Variants in RBM19 observed in about 807,000 individuals in gnomAD.
RBM19 encodes the protein RNA binding motif protein 19.
Under a neutral mutation model 116.8 loss-of-function variants are expected in RBM19, and 94 were observed. That is an observed-to-expected ratio of 0.80 (90% CI 0.68 to 0.95). RBM19 has a LOEUF of 0.95. RBM19 is among the 40% of genes least tolerant of loss of function. The probability of loss-of-function intolerance (pLI) is 0.00; values close to 1 mark genes in which losing one functional copy is unlikely to be tolerated. For synonymous variants in RBM19, 475 were observed against 494.1 expected, an observed-to-expected ratio of 0.96 and a Z score of 0.51; for missense variants, 1,161 against 1,220.7, an observed-to-expected ratio of 0.95 and a Z score of 0.73.
chr12:113,876,045 T>C (rs1879649262), intron 21 of RBM19, among the ~76,000 whole-genome samples: 2 of 152,192 alleles, frequency 1.3e-5, no homozygotes, highest in Admixed American at 6.5e-5. Context: ...GGGGAATTTA[T>C]TGTTAGAGGA....
intron 21 of RBM19, among the ~76,000 whole-genome samples, chr12:113,899,531 G>C (rs1881547412): frequency 6.6e-6 from 1 of 152,154 alleles, no homozygotes; most frequent in East Asian, 1.9e-4. Context: ...CTACCCTGAG[G>C]GTTTTAATGG....
rs1882721159 is a variant in RBM19, at chr12:113,915,534, C to T, written c.2442-449G>A. Among the ~76,000 whole-genome samples the T allele has an allele frequency of 2.0e-5, 3 of 152,214 alleles. No individual in the cohort carries two copies. In the South Asian group the frequency reaches 6.2e-4, roughly 31 times the overall value. ...GGACCAGGTGGCGAGCAAGGACACT[C>T]TCAGCCCAGGTTCAAGGCCATCCCC... is the stretch of plus-strand genomic sequence containing the variant. On this transcript the variant is annotated intron_variant, in intron 20 of 23. Coordinates refer to ENST00000261741, the MANE Select transcript of RBM19 (RefSeq NM_016196.4).
At chr12:113,943,777 C>T (rs1870778439) in intron 13 of RBM19, among the ~76,000 whole-genome samples, 1 of 152,126 alleles carries the variant, frequency 6.6e-6, no homozygotes. Flanking sequence ...TAGCCGAGAT[C>T]ACAGCATTGC....
chr12:113,870,089 C>A (rs114325992), intron 21 of RBM19, among the ~76,000 whole-genome samples: 13 of 152,246 alleles, frequency 8.5e-5, no homozygotes, highest in African/African-American at 3.1e-4. Context: ...GGGTGGAAAC[C>A]AAGTTAGTGA....
intron 21 of RBM19, among the ~76,000 whole-genome samples, chr12:113,909,272 C>G (rs1882278944): frequency 6.6e-6 from 1 of 152,116 alleles, no homozygotes; most frequent in Non-Finnish European, 1.5e-5. Context: ...ATAGGAGTGC[C>G]ACACAGTTCA....
At chr12:113,946,060 C>T (rs1275605187) in intron 12 of RBM19, 136 bp from the exon 13 acceptor site, 4 of 841,934 alleles carry the variant, frequency 4.8e-6, no homozygotes, top group South Asian at 1.7e-5. Context: ...TCATGGGCTA[C>T]GTATACAGGG....
chr12:113,960,020 T>C, intron 3 of RBM19, 39 bp downstream of exon 3: 2 of 1,614,154 alleles, frequency 1.2e-6, no homozygotes, highest in Non-Finnish European at 1.7e-6. Context: ...ACTACCCTGC[T>C]GGCAGTGGGG....
chr12:113,865,235 T>G (rs959712513), intron 21 of RBM19, among the ~76,000 whole-genome samples: 1 of 152,198 alleles, frequency 6.6e-6, no homozygotes, highest in Non-Finnish European at 1.5e-5. Context: ...CCTCAGGGCC[T>G]TTGCACTTGC....
rs930662402 is a variant in RBM19 at position 113,945,714 on chromosome 12, G to A, written c.1626+114C>T. The stretch of plus-strand genomic sequence containing the variant: ...CAGAGGCCTCTGGGAAGGCCCAAGA[G>A]GAAAGCCCTGGCGGCCCCAGCCTCA... On this transcript the variant is annotated intron_variant, in intron 13 of 23. Transcript: ENST00000261741. The A allele has an allele frequency of 3.3e-5, 28 of 854,242 alleles. No individual in the cohort carries two copies. In the African/African-American group the frequency reaches 4.6e-4, roughly 14 times the overall value. The allele number at this position is 854,242 out of a possible 1,614,324, so 52.9% of individuals were successfully genotyped here. A position where few individuals can be genotyped will look rare whatever the true frequency, so the allele number is the denominator to read the frequency against.
At chr12:113,843,308 C>T (rs949031292) in intron 23 of RBM19, among the ~76,000 whole-genome samples, 2 of 152,140 alleles carry the variant, frequency 1.3e-5, no homozygotes, top group African/African-American at 2.4e-5. Context: ...AGGTGACACC[C>T]GAGGCCCTGA....
chr12:113,934,483 G>A (rs975223431), intron 16 of RBM19, among the ~76,000 whole-genome samples: 1 of 152,208 alleles, frequency 6.6e-6, no homozygotes, highest in Non-Finnish European at 1.5e-5. Flanking sequence ...CATAACTGCT[G>A]CTTTTGCTCT....
intron 23 of RBM19, among the ~76,000 whole-genome samples, chr12:113,833,938 G>T (rs1593458920): frequency 6.6e-6 from 1 of 151,912 alleles, no homozygotes; most frequent in African/African-American, 2.4e-5. Context: ...TAGAGACGGG[G>T]TCTCGCTATG....
At chr12:113,879,675 C>A (rs1295677846) in intron 21 of RBM19, among the ~76,000 whole-genome samples, 3 of 151,982 alleles carry the variant, frequency 2.0e-5, no homozygotes, top group Non-Finnish European at 4.4e-5. Context: ...TGCCTTGATC[C>A]CTGTATCCAT....
In RBM19 at chr12:113,951,538, A is replaced by ACACAC. The variant is rs1566038702; in HGVS notation, c.1000+973_1000+974insGTGTG. Among the ~76,000 whole-genome samples the ACACAC allele has an allele frequency of 3.8e-3, 571 of 150,218 alleles. 5 individuals carry two copies. Among genetic ancestry groups the ACACAC allele is most frequent in the African/African-American group, 0.013 (533 of 41,170 alleles). On this transcript the variant is annotated intron_variant, in intron 8 of 23. Transcript: ENST00000261741. Reference sequence around the variant, plus strand: ...TTACCTGACTGCACACACACACACAAACACACACACACTCACACACACAAA... The same window carrying ACACAC: ...TTACCTGACTGCACACACACACACAACACACACACACACACACTCACACACACAAA...
chr12:113,936,993 G>A lies in RBM19; in HGVS notation c.2068+14C>T. On this transcript the variant is annotated intron_variant, in intron 16 of 23. Coordinates refer to ENST00000261741, the MANE Select transcript of RBM19 (RefSeq NM_016196.4). ...AGGATCCCAAGCCATCCTGGTCTCA[G>A]ACTCAGCTCTTACCTGTTTCTGGCT... The A allele has an allele frequency of 6.2e-7, 1 of 1,612,620 alleles. No individual in the cohort carries two copies. Among genetic ancestry groups the A allele is most frequent in the Non-Finnish European group, 8.5e-7 (1 of 1,179,572 alleles).
At chr12:113,951,274 A>T (rs1171682663) in intron 8 of RBM19, among the ~76,000 whole-genome samples, 1 of 152,056 alleles carries the variant, frequency 6.6e-6, no homozygotes, top group Non-Finnish European at 1.5e-5. Context: ...TCATGCTTGG[A>T]TGCCGGCTCT....
At chr12:113,894,599 G>C (rs551132568) in intron 21 of RBM19, among the ~76,000 whole-genome samples, 2 of 152,188 alleles carry the variant, frequency 1.3e-5, no homozygotes, top group Non-Finnish European at 2.9e-5. Flanking sequence ...GGGTTGCAAT[G>C]TAATTTTCTT....
chr12:113,942,337 T>A lies in RBM19; in HGVS notation c.1724A>T (p.Asp575Val). ...GAGAACACCCACCTGGCTGAAGGAA[T>A]CCAGGCTGACCCCGTTGTCTATGAG... ...RFLIDNGVSL[D>V]SFSQAAAERS... The change falls in exon 14 of 24, where the codon GAT (aspartate) becomes GTT (valine). Residue 575 changes from aspartate (D) to valine (V), a missense_variant. By Grantham distance (152) the Asp-to-Val change is radical. Transcript: ENST00000261741. The A allele has an allele frequency of 6.2e-7, 1 of 1,605,836 alleles. No homozygotes were observed. The highest frequency in any genetic ancestry group is 2.2e-5 in the East Asian group (1 of 44,810).
chr12:113,899,544 T>C (rs1029751245), intron 21 of RBM19, among the ~76,000 whole-genome samples: 19 of 152,118 alleles, frequency 1.2e-4, no homozygotes, highest in African/African-American at 4.6e-4. Context: ...TTTAATGGGG[T>C]AAGCCTTGTA....
Sources: gnomAD v4.1 joint callset for allele counts (sites outside exome capture counted in the v4.1 genomes callset) on GRCh38, gnomAD v4.1.1 for gene constraint, MANE v1.5 for transcripts, NCBI Gene and HGNC (gene_info 2026-07-23, HGNC 2026-07-21) for gene names.